SCN1B: variants seen among roughly 807,000 people sequenced by gnomAD.
SCN1B encodes the protein sodium channel regulatory subunit beta-1.
In SCN1B, 11 loss-of-function variants were observed where a neutral mutation model predicts 25.7. The ratio of observed to expected loss-of-function variants is 0.43; its 90% CI spans 0.27 to 0.71. SCN1B has a LOEUF of 0.71. SCN1B is among the 30% of genes least tolerant of loss of function. The probability of loss-of-function intolerance (pLI) is 0.21; values close to 1 mark genes in which losing one functional copy is unlikely to be tolerated. For missense variants in SCN1B, 224 were observed against 291.5 expected (o/e 0.77, Z 1.69); for synonymous variants, 119 against 117.5 (o/e 1.01, Z -0.08).
intron 3 of SCN1B, chr19:35,036,571 T>G (rs2064249100): frequency 6.6e-6 from 1 of 151,760 alleles, no homozygotes; most frequent in South Asian, 2.1e-4. Flanking sequence ...TAGGTGGGAT[T>G]ACAGGTGCAC....
chr19:35,039,444 C>T, intron 4 of SCN1B, 186 bp downstream of exon 4: 1 of 991,696 alleles, frequency 1.0e-6, no homozygotes, highest in Non-Finnish European at 1.5e-6. Flanking sequence ...GCCCCTTCCT[C>T]CCTCCAACTC....
chr19:35,032,661 CT>C lies in SCN1B; in HGVS notation c.176del (p.Phe59SerfsTer88). 1 of 1,614,090 alleles carries C rather than the reference CT, an allele frequency of 6.2e-7. No homozygotes were observed. The highest frequency in any genetic ancestry group is 8.5e-7 in the Non-Finnish European group (1 of 1,180,040). On this transcript the variant is annotated frameshift_variant, in exon 2 of 6. Coordinates refer to ENST00000262631, the MANE Select transcript of SCN1B (RefSeq NM_001037.5). LOFTEE classifies it high-confidence loss of function. The surrounding 1 kb of genome is among the most constrained non-coding windows in gnomAD (Gnocchi z 4.3). Reference protein sequence around the residue: ...TNAETFTEWTFRQKGTEEFVK... With the variant: ...TNAETFTEWTXRQKGTEEFVK... Reference sequence around the variant, plus strand: ...ACGCTGAGACCTTCACCGAGTGGACCTTCCGCCAGAAGGGCACTGAGGAGTT... The same window carrying C: ...ACGCTGAGACCTTCACCGAGTGGACCTCCGCCAGAAGGGCACTGAGGAGTT...
At chr19:35,038,542 T>G in intron 3 of SCN1B, 1 of 183,674 alleles carries the variant, frequency 5.4e-6, no homozygotes, top group East Asian at 1.4e-4. Context: ...TTGCCTGAGG[T>G]CACACAGCTA....
Position 35,030,743 on chromosome 19 carries a change from C to A in SCN1B, c.-78C>A. 1 of 455,666 alleles carries A rather than the reference C, an allele frequency of 2.2e-6. No individual in the cohort carries two copies. The highest frequency in any genetic ancestry group is 3.8e-6 in the Non-Finnish European group (1 of 262,760). The allele number at this position is 455,666 out of a possible 1,614,324, so 28.2% of individuals were successfully genotyped here. On this transcript the variant is annotated 5_prime_UTR_variant, in exon 1 of 6. Coordinates refer to ENST00000262631, the MANE Select transcript of SCN1B (RefSeq NM_001037.5). ...CGCGCTCCCGGGGACATTCTAACCG[C>A]CGCCAGGTCCCGCCGCCTCTCGCCC... is the stretch of plus-strand genomic sequence containing the variant.
At chr19:35,033,415 T>C (rs968325615) in intron 2 of SCN1B, 84 bp from the exon 3 acceptor site, 18 of 1,599,992 alleles carry the variant, frequency 1.1e-5, no homozygotes, top group Non-Finnish European at 1.5e-5. Flanking sequence ...TGTTTGTGGG[T>C]GTCAGGGCAG....
chr19:35,036,541 T>G (rs1242487280), intron 3 of SCN1B: 1 of 152,032 alleles, frequency 6.6e-6, no homozygotes. Flanking sequence ...CAAGCGATTC[T>G]TCTGCCTCAG....
chr19:35,033,432 G>A, intron 2 of SCN1B, 67 bp from the exon 3 acceptor site: 2 of 1,608,520 alleles, frequency 1.2e-6, no homozygotes, highest in Non-Finnish European at 1.7e-6. Flanking sequence ...GCAGGGGACA[G>A]AATCAGGGTC....
In SCN1B at chr19:35,030,668, CCCCCCCTCCT is replaced by C. The variant is rs899614975; in HGVS notation, c.-144_-135del. The C allele has an allele frequency of 6.6e-4, 120 of 182,100 alleles. No individual in the cohort carries two copies. Among genetic ancestry groups the C allele is most frequent in the Admixed American group, 1.9e-3 (30 of 15,820 alleles). 11.3% of individuals were successfully genotyped at this position (182,100 alleles called of 1,614,324 possible). A position where few individuals can be genotyped will look rare whatever the true frequency, so the allele number is the denominator to read the frequency against. Reference sequence around the variant, plus strand: ...CGGTAACCGGAGCGGGGGGGCCGCGCCCCCCCTCCTCCCCCCTCGCCGGTCCCAGAGCCGC... The same window carrying C: ...CGGTAACCGGAGCGGGGGGGCCGCGCCCCCCCTCGCCGGTCCCAGAGCCGC... On this transcript the variant is annotated 5_prime_UTR_variant, in exon 1 of 6. Coordinates refer to ENST00000262631, the MANE Select transcript of SCN1B (RefSeq NM_001037.5).
chr19:35,038,364 G>A (rs367689260), intron 3 of SCN1B: 2 of 153,832 alleles, frequency 1.3e-5, no homozygotes, highest in African/African-American at 2.4e-5. Flanking sequence ...GGCCAGTGCT[G>A]TAGAGAGGAT....
intron 3 of SCN1B, chr19:35,037,773 T>C (rs1600369344): frequency 1.6e-5 from 2 of 128,456 alleles, no homozygotes; most frequent in Non-Finnish European, 3.2e-5. Flanking sequence ...CAGCGAGACC[T>C]CATCTCTACC....
chr19:35,034,537 T>G, intron 3 of SCN1B: 2 of 191,700 alleles, frequency 1.0e-5, no homozygotes, highest in Non-Finnish European at 1.1e-5. Context: ...CAATTGCAAT[T>G]GTCCAGCGCC....
Position 35,039,981 on chromosome 19 carries a change from T to C in SCN1B, c.*190T>C, listed in dbSNP as rs2064276679. On this transcript the variant is annotated 3_prime_UTR_variant, in exon 6 of 6. Transcript: ENST00000262631. The stretch of plus-strand genomic sequence containing the variant: ...CCCCACTTTCGCCTCCTCCAGCTCC[T>C]GCCCCGCCGGCCGCGCACCGCCATG... 2.0e-6 allele frequency: 1 copy of C among 488,672 alleles called. No individual in the cohort carries two copies. The allele number at this position is 488,672 out of a possible 1,614,324, so 30.3% of individuals were successfully genotyped here.
At chr19:35,035,685 T>C (rs2064243525) in intron 3 of SCN1B, 2 of 152,250 alleles carry the variant, frequency 1.3e-5, no homozygotes, top group African/African-American at 4.8e-5. Flanking sequence ...CAGTTCCTTA[T>C]GTTGGCCCTG....
intron 3 of SCN1B, chr19:35,036,247 A>G (rs2064247146): frequency 6.6e-6 from 1 of 152,058 alleles, no homozygotes; most frequent in South Asian, 2.1e-4. Context: ...ATTACCCACC[A>G]TGCTATGCTA....
intron 2 of SCN1B, among the ~76,000 whole-genome samples, chr19:35,033,248 G>T (rs1376969916): frequency 6.6e-6 from 1 of 152,106 alleles, no homozygotes; most frequent in African/African-American, 2.4e-5. Context: ...GCCAGATGGG[G>T]CTTGGGAGGA....
chr19:35,039,322 CT>C, intron 4 of SCN1B, 64 bp downstream of exon 4: 1 of 1,600,378 alleles, frequency 6.2e-7, no homozygotes, highest in Non-Finnish European at 8.5e-7. Flanking sequence ...CAGAGAGGAA[CT>C]CCGGAGCCCG....
Position 35,033,764 on chromosome 19 carries a change from T to C in SCN1B, c.448+25T>C, listed in dbSNP as rs1416590279. ...GGTGAGTCGGGTGCTGCCTGCCCCT[T>C]TACCGTCACCCACCGGAGAGCCAGA... On this transcript the variant is annotated intron_variant, in intron 3 of 5. Coordinates refer to ENST00000262631, the MANE Select transcript of SCN1B (RefSeq NM_001037.5). The C allele has an allele frequency of 4.3e-6, 7 of 1,613,870 alleles. No individual in the cohort carries two copies. The highest frequency in any genetic ancestry group is 5.9e-6 in the Non-Finnish European group (7 of 1,180,000).
Position 35,039,054 on chromosome 19 carries a change from C to T in SCN1B, c.449-63C>T. On this transcript the variant is annotated intron_variant, in intron 3 of 5. Transcript: ENST00000262631. ...CTCATCCAAGCTCACACAGCAAGCTCACAGCACACTCAGGCTGTCATGCAG... is the reference window on the plus strand; with the variant it reads ...CTCATCCAAGCTCACACAGCAAGCTTACAGCACACTCAGGCTGTCATGCAG... 3 of 1,599,298 alleles carry T rather than the reference C, an allele frequency of 1.9e-6. No individual in the cohort carries two copies. The East Asian group carries it at 6.7e-5, about 36-fold the overall frequency.
Position 35,033,620 on chromosome 19 carries a change from A to G in SCN1B, c.329A>G (p.Asn110Ser), listed in dbSNP as rs780904195. 1 of 1,614,112 alleles carries G rather than the reference A, an allele frequency of 6.2e-7. No homozygotes were observed. Among genetic ancestry groups the G allele is most frequent in the Non-Finnish European group, 8.5e-7 (1 of 1,180,016 alleles). The change falls in exon 3 of 6, where the codon AAT becomes AGT. Residue 110 changes from asparagine (N) to serine (S), a missense_variant. Physicochemically the swap from Asn to Ser is conservative, Grantham distance 46 (BLOSUM62 1). This residue lies in a region of SCN1B where 126 missense variants were observed against 204.9 expected (regional missense o/e 0.61). Coordinates refer to ENST00000262631, the MANE Select transcript of SCN1B (RefSeq NM_001037.5). Reference sequence around the variant, plus strand: ...CAGGATCTGTCTATCTTCATCACCAATGTCACCTACAACCACTCGGGCGAC... The same window carrying G: ...CAGGATCTGTCTATCTTCATCACCAGTGTCACCTACAACCACTCGGGCGAC... The part of the protein sequence containing the change: ...DLQDLSIFIT[N>S]VTYNHSGDYE...
Sources: gnomAD v4.1 joint callset for allele counts (sites outside exome capture counted in the v4.1 genomes callset) on GRCh38, gnomAD v4.1.1 for gene constraint, gnomAD v4.1.1 regional missense constraint, Gnocchi (gnomAD v3.1) non-coding constraint, MANE v1.5 for transcripts, NCBI Gene and HGNC (gene_info 2026-07-23, HGNC 2026-07-21) for gene names.